Variants in AGBL1 observed in about 807,000 individuals in gnomAD.
The protein encoded by AGBL1 is cytosolic carboxypeptidase 4.
In AGBL1, 130 loss-of-function variants were observed where a neutral mutation model predicts 118.9. The ratio of observed to expected loss-of-function variants is 1.09; its 90% CI spans 0.95 to 1.26. AGBL1 has a LOEUF of 1.26. Ranked by LOEUF, AGBL1 falls within the 50% of genes most tolerant of loss-of-function variation. The probability of loss-of-function intolerance (pLI) is 0.00; values close to 1 mark genes in which losing one functional copy is unlikely to be tolerated. For missense variants in AGBL1, 1,584 were observed against 1,298.1 expected (o/e 1.22, Z -3.38); for synonymous variants, 555 against 478.9 (o/e 1.16, Z -2.08).
chr15:86,930,024 A>C (rs1028490658), intron 23 of AGBL1, among the ~76,000 whole-genome samples: 1 of 152,140 alleles, frequency 6.6e-6, no homozygotes, highest in African/African-American at 2.4e-5. Flanking sequence ...ATGCATTCCA[A>C]CAATCCACGC....
chr15:86,859,418 T>A (rs1316408536), intron 22 of AGBL1, among the ~76,000 whole-genome samples: 1 of 152,182 alleles, frequency 6.6e-6, no homozygotes, highest in Non-Finnish European at 1.5e-5. Context: ...CCTCTTTTAA[T>A]AAAAGAATGT....
At chr15:86,306,577 A>G (rs143290322) in intron 17 of AGBL1, among the ~76,000 whole-genome samples, 15 of 152,270 alleles carry the variant, frequency 9.9e-5, no homozygotes, top group Non-Finnish European at 1.9e-4. Flanking sequence ...AGGGACACTT[A>G]GATTGCTTCC....
intron 18 of AGBL1, among the ~76,000 whole-genome samples, chr15:86,503,831 T>G (rs559721768): frequency 5.4e-4 from 82 of 151,722 alleles, no homozygotes; most frequent in African/African-American, 1.9e-3. Context: ...TTATTAAAAC[T>G]TGTTTTATGG....
rs2084687169 is a variant in AGBL1, at chr15:86,613,736, G to A, written c.2994+59199G>A. On this transcript the variant is annotated intron_variant, in intron 21 of 22. Coordinates refer to ENST00000614907, the MANE Select transcript of AGBL1 (RefSeq NM_001386094.1). The surrounding 1 kb of genome is among the most constrained non-coding windows in gnomAD (Gnocchi z 4.2). ...TCTGCTACTCCAAGTAGGATCTTCA[G>A]AACAGCATCATCTCCATCACCAGGG... Among the ~76,000 whole-genome samples the A allele has an allele frequency of 6.6e-6, 1 of 152,164 alleles. No individual in the cohort carries two copies.
At chr15:86,938,755 A>T (rs1039811555) in intron 23 of AGBL1, 3 of 152,182 alleles carry the variant, frequency 2.0e-5, no homozygotes, top group African/African-American at 7.2e-5. Flanking sequence ...GGATACTCTG[A>T]TCCTCTAGTT....
chr15:86,265,640 C>G (rs1228114767), intron 11 of AGBL1, among the ~76,000 whole-genome samples: 1 of 152,148 alleles, frequency 6.6e-6, no homozygotes, highest in Non-Finnish European at 1.5e-5. Context: ...CTGACATATC[C>G]AACCCTACCC....
intron 22 of AGBL1, among the ~76,000 whole-genome samples, chr15:86,690,226 G>A (rs1379602309): frequency 6.6e-6 from 1 of 152,112 alleles, no homozygotes; most frequent in Non-Finnish European, 1.5e-5. Context: ...CTTGCTTATA[G>A]CAAGGAACTA....
intron 18 of AGBL1, among the ~76,000 whole-genome samples, chr15:86,483,854 G>T (rs939061368): frequency 3.9e-5 from 6 of 152,104 alleles, no homozygotes; most frequent in African/African-American, 1.2e-4. Context: ...CAGCTTAAAT[G>T]AATCCCAGCT....
At chr15:86,471,910 T>C (rs889914247) in intron 18 of AGBL1, among the ~76,000 whole-genome samples, 1 of 152,186 alleles carries the variant, frequency 6.6e-6, no homozygotes, top group Non-Finnish European at 1.5e-5. Flanking sequence ...GTTAAAGATC[T>C]CAAAATGAGA....
At chr15:86,899,101 C>A (rs182522225) in intron 22 of AGBL1, among the ~76,000 whole-genome samples, 40 of 152,214 alleles carry the variant, frequency 2.6e-4, no homozygotes, top group African/African-American at 9.6e-4. Context: ...ATGTTTATTG[C>A]AGCACGATAC....
chr15:86,498,656 T>G (rs955708906), intron 18 of AGBL1, among the ~76,000 whole-genome samples: 4 of 151,928 alleles, frequency 2.6e-5, no homozygotes, highest in Admixed American at 6.6e-5. Flanking sequence ...ACCCATAATT[T>G]TTTAAAGTCT....
chr15:86,435,773 T>G (rs533522384), intron 18 of AGBL1, among the ~76,000 whole-genome samples: 1 of 152,270 alleles, frequency 6.6e-6, no homozygotes, highest in South Asian at 2.1e-4. Flanking sequence ...CCCAGTAAAG[T>G]CGTGAAGATA....
intron 18 of AGBL1, among the ~76,000 whole-genome samples, chr15:86,417,675 G>A (rs1425093906): frequency 6.6e-6 from 1 of 152,198 alleles, no homozygotes; most frequent in African/African-American, 2.4e-5. Flanking sequence ...TACATTGAGA[G>A]CTGAAGGAAG....
rs565956778 is a variant in AGBL1, at chr15:86,981,348, C to T, written c.3222-6639C>T. ...ATTAGTTGCATCGTACAGTCTCAGT[C>T]TTACTGCAGTCTGTGCAACACCATG... On this transcript the variant is annotated intron_variant, in intron 23 of 24. Transcript: ENST00000441037. Among the ~76,000 whole-genome samples the T allele has an allele frequency of 2.0e-4, 31 of 152,302 alleles. 1 individual carries two copies. The South Asian group carries it at 5.0e-3, about 24-fold the overall frequency.
At position 86,079,960 on chromosome 15, in the gene AGBL1, A is replaced by G; in HGVS notation, c.-13A>G. The G allele has an allele frequency of 8.1e-7, 1 of 1,232,198 alleles. No homozygotes were observed. The highest frequency in any genetic ancestry group is 3.2e-5 in the East Asian group (1 of 31,694). 76.3% of individuals were successfully genotyped at this position (1,232,198 alleles called of 1,614,324 possible). On this transcript the variant is annotated 5_prime_UTR_variant, in exon 1 of 23. Coordinates refer to ENST00000614907, the MANE Select transcript of AGBL1 (RefSeq NM_001386094.1). The stretch of plus-strand genomic sequence containing the variant: ...TGGCCGCAGGCAGCGGTTCCCTAGG[A>G]CCCGAGAAAAGGATGGCCGAACAAG...
chr15:86,129,701 C>A (rs1485036402), intron 1 of AGBL1, among the ~76,000 whole-genome samples: 1 of 151,974 alleles, frequency 6.6e-6, no homozygotes, highest in African/African-American at 2.4e-5. Flanking sequence ...AAACATCTTG[C>A]AATATATGGG....
chr15:86,693,246 T>C (rs2086201924), intron 22 of AGBL1, among the ~76,000 whole-genome samples: 2 of 152,112 alleles, frequency 1.3e-5, no homozygotes, highest in African/African-American at 2.4e-5. Flanking sequence ...AGTATTCTCT[T>C]TTCACTGCAT....
At chr15:86,766,562 T>C (rs542815784) in intron 22 of AGBL1, among the ~76,000 whole-genome samples, 1 of 151,856 alleles carries the variant, frequency 6.6e-6, no homozygotes, top group African/African-American at 2.4e-5. Context: ...AGATAGATGG[T>C]CATATAATTT....
chr15:86,105,739 A>T (rs1287167628), intron 1 of AGBL1, among the ~76,000 whole-genome samples: 2 of 152,226 alleles, frequency 1.3e-5, no homozygotes, highest in Non-Finnish European at 2.9e-5. Context: ...CCCAGGTTTG[A>T]TTACACAAAT....
Sources: gnomAD v4.1 joint callset for allele counts (sites outside exome capture counted in the v4.1 genomes callset) on GRCh38, gnomAD v4.1.1 for gene constraint, Gnocchi (gnomAD v3.1) non-coding constraint, MANE v1.5 for transcripts, NCBI Gene and HGNC (gene_info 2026-07-23, HGNC 2026-07-21) for gene names.